The following ZBTB37 variants were observed in gnomAD, a reference collection of about 807,000 sequenced individuals.
ZBTB37 encodes the protein zinc finger and BTB domain containing 37.
A neutral mutation model predicts 37.7 loss-of-function variants in ZBTB37; 15 were observed. The ratio of observed to expected loss-of-function variants is 0.40; its 90% CI spans 0.27 to 0.61. ZBTB37 has a LOEUF of 0.61. Among genes scored for constraint, ZBTB37 ranks in the 20% least tolerant of loss-of-function variants. The pLI is 0.44. For missense variants in ZBTB37, 514 were observed against 641.9 expected (o/e 0.80, Z 2.15); for synonymous variants, 231 against 220.6 (o/e 1.05, Z -0.42).
intron 4 of ZBTB37, among the ~76,000 whole-genome samples, chr1:173,880,093 A>G (rs1325228470): frequency 6.6e-6 from 1 of 152,238 alleles, no homozygotes; most frequent in Non-Finnish European, 1.5e-5. Flanking sequence ...AAACAGGAAC[A>G]CAGGATCAGG....
At chr1:173,872,689 A>G (rs925855263) in intron 3 of ZBTB37, among the ~76,000 whole-genome samples, 11 of 152,096 alleles carry the variant, frequency 7.2e-5, no homozygotes, top group Non-Finnish European at 2.9e-5. Context: ...ACTTATGGAA[A>G]TAAAATTTTA....
exon 4 of ZBTB37, chr1:173,901,399 C>CTTTTTTT (rs3053950): frequency 3.3e-5 from 4 of 121,760 alleles, no homozygotes; most frequent in Non-Finnish European, 6.6e-5. Context: ...AAAGTTAGAA[C>CTTTTTTT]TTTTTTTTTT....
exon 4 of ZBTB37, chr1:173,898,615 G>A (rs1444878241): frequency 6.6e-6 from 1 of 152,072 alleles, no homozygotes; most frequent in Non-Finnish European, 1.5e-5. Flanking sequence ...AGATATTCTT[G>A]TTTTTAAGGT....
exon 3 of ZBTB37, chr1:173,870,580 A>G: frequency 3.1e-6 from 5 of 1,614,260 alleles, no homozygotes; most frequent in Non-Finnish European, 4.2e-6. Context: ...AGACAAATGT[A>G]CACAGATCCT....
chr1:173,881,896 C>T (rs1485866915), intron 4 of ZBTB37, among the ~76,000 whole-genome samples: 3 of 151,850 alleles, frequency 2.0e-5, no homozygotes, highest in Non-Finnish European at 4.4e-5. Flanking sequence ...CTACTAAAAA[C>T]ACAAAATATT....
At chr1:173,896,319 A>G (rs1189042356) in exon 4 of ZBTB37, 3 of 152,180 alleles carry the variant, frequency 2.0e-5, no homozygotes, top group Non-Finnish European at 4.4e-5. Flanking sequence ...TTGGATTCAC[A>G]TTTCCACTCT....
chr1:173,898,920 G>A (rs1295620701), exon 4 of ZBTB37: 1 of 152,192 alleles, frequency 6.6e-6, no homozygotes, highest in Admixed American at 6.5e-5. Flanking sequence ...TGTCTAAACA[G>A]GGATTCTCTG....
At position 173,902,942 on chromosome 1, in the gene ZBTB37, A is replaced by C. The variant is rs1172751188; in HGVS notation, c.*16818A>C. The C allele has an allele frequency of 2.0e-5, 3 of 152,240 alleles. No homozygotes were observed. In the East Asian group the frequency reaches 5.8e-4, roughly 29 times the overall value. The allele number at this position is 152,240 out of a possible 1,614,324, so 9.4% of individuals were successfully genotyped here. On this transcript the variant is annotated 3_prime_UTR_variant, in exon 4 of 4. Coordinates refer to the ZBTB37 transcript ENST00000367701. Reference sequence around the variant, plus strand: ...AAAAGGGTTCTAAATACCTGTCCTGATTTTGGAAGTTTCACTGGGGAAAAA... The same window carrying C: ...AAAAGGGTTCTAAATACCTGTCCTGCTTTTGGAAGTTTCACTGGGGAAAAA...
chr1:173,882,053 CA>C (rs996462765), intron 4 of ZBTB37, among the ~76,000 whole-genome samples: 49 of 137,638 alleles, frequency 3.6e-4, no homozygotes, highest in African/African-American at 5.3e-4. Context: ...GACTCTGTCT[CA>C]AAAAAAAAAA....
chr1:173,883,480 G>T (rs1656450224), intron 4 of ZBTB37, among the ~76,000 whole-genome samples: 1 of 152,202 alleles, frequency 6.6e-6, no homozygotes, highest in African/African-American at 2.4e-5. Flanking sequence ...TCAAAAAAAA[G>T]AAAAGTGTAC....
chr1:173,891,826 T>G (rs933014019), exon 4 of ZBTB37: 1 of 152,190 alleles, frequency 6.6e-6, no homozygotes, highest in African/African-American at 2.4e-5. Context: ...ATATAGGGAC[T>G]TTTGAATTAG....
chr1:173,873,306 A>G (rs1655693980), intron 3 of ZBTB37, among the ~76,000 whole-genome samples, 161 bp from the exon 4 acceptor site: 1 of 152,238 alleles, frequency 6.6e-6, no homozygotes, highest in African/African-American at 2.4e-5. Context: ...ATTATTTCAA[A>G]TCAGATTATG....
chr1:173,902,686 T>G (rs1657312450), exon 4 of ZBTB37: 1 of 152,100 alleles, frequency 6.6e-6, no homozygotes, highest in Admixed American at 6.5e-5. Context: ...AGTGTAAACC[T>G]CCACCTCCCC....
intron 4 of ZBTB37, among the ~76,000 whole-genome samples, chr1:173,876,265 C>T (rs964102847): frequency 6.6e-6 from 1 of 152,104 alleles, no homozygotes; most frequent in African/African-American, 2.4e-5. Flanking sequence ...ATGTTTCTAG[C>T]CTCTGCATTA....
downstream of ZBTB37, chr1:173,890,485 C>T (rs1656800380): frequency 6.6e-6 from 1 of 151,838 alleles, no homozygotes; most frequent in Non-Finnish European, 1.5e-5. Flanking sequence ...CTTATTAGTT[C>T]AAGGAATAAC....
chr1:173,894,643 A>G (rs1158429875), exon 4 of ZBTB37: 1 of 152,178 alleles, frequency 6.6e-6, no homozygotes, highest in Non-Finnish European at 1.5e-5. Flanking sequence ...CCACCACTGT[A>G]CTCTTGGTCG....
chr1:173,897,870 TATC>T (rs928395752), exon 4 of ZBTB37: 4 of 152,224 alleles, frequency 2.6e-5, no homozygotes, highest in African/African-American at 9.6e-5. Context: ...CTGAAATTCT[TATC>T]ATGTTCAGAT....
chr1:173,878,809 C>T (rs868261817), intron 4 of ZBTB37, among the ~76,000 whole-genome samples: 13 of 152,242 alleles, frequency 8.5e-5, no homozygotes, highest in Middle Eastern at 3.4e-3. Flanking sequence ...TTAGGCTGGG[C>T]GCAGTGGCTC....
chr1:173,874,804 T>C (rs1050046028), intron 4 of ZBTB37, among the ~76,000 whole-genome samples: 15 of 152,344 alleles, frequency 9.8e-5, no homozygotes, highest in East Asian at 7.7e-4. Context: ...TACAAATTTA[T>C]AGCATAAGGA....
Sources: allele counts gnomAD v4.1 joint callset (sites outside exome capture counted in the v4.1 genomes callset), GRCh38; gene constraint gnomAD v4.1.1; transcripts MANE v1.5; gene names NCBI Gene and HGNC (gene_info 2026-07-23, HGNC 2026-07-21).